EGLN1: variants seen among roughly 807,000 people sequenced by gnomAD.
The protein encoded by EGLN1 is egl nine homolog 1.
A neutral mutation model predicts 38.3 loss-of-function variants in EGLN1; 17 were observed. The ratio of observed to expected loss-of-function variants is 0.44; its 90% confidence interval spans 0.30 to 0.67. The LOEUF (loss-of-function observed/expected upper bound fraction) is 0.67, where lower values mean the gene tolerates loss of function less well. Among genes scored for constraint, EGLN1 ranks in the 30% least tolerant of loss-of-function variants. The pLI is 0.08. For synonymous variants in EGLN1, 283 were observed against 257.5 expected, an observed-to-expected ratio of 1.10 and a Z score of -0.95; for missense variants, 477 against 603.3, an observed-to-expected ratio of 0.79 and a Z score of 2.19.
chr1:231,404,607 G>C (rs1034203518), intron 1 of EGLN1, among the ~76,000 whole-genome samples: 2 of 151,532 alleles, frequency 1.3e-5, no homozygotes, highest in Admixed American at 1.3e-4. Flanking sequence ...GCAAGACCCC[G>C]TCTCTAAAAA....
Position 231,366,086 on chromosome 1 carries a change from C to T in EGLN1, c.*325G>A. ...ATAAAAAAGGGAGAGATGAAATGAA[C>T]TCAGCTAGATAACAGATCTGGCAAA... On this transcript the variant is annotated 3_prime_UTR_variant, in exon 5 of 5. Coordinates refer to ENST00000366641, the MANE Select transcript of EGLN1 (RefSeq NM_022051.3). 1 of 318,046 alleles carries T rather than the reference C, an allele frequency of 3.1e-6. No individual in the cohort carries two copies. 19.7% of individuals were successfully genotyped at this position (318,046 alleles called of 1,614,324 possible). A position where few individuals can be genotyped will look rare whatever the true frequency, so the allele number is the denominator to read the frequency against.
chr1:231,396,537 C>A (rs1317132926), intron 1 of EGLN1, among the ~76,000 whole-genome samples: 5 of 152,148 alleles, frequency 3.3e-5, no homozygotes, highest in African/African-American at 1.2e-4. Flanking sequence ...CAGGTGTGAG[C>A]CACCGAGCCC....
rs539519943 is a variant in EGLN1, at chr1:231,364,306, C to G, written c.*2105G>C. ...GACAATCAAACAAACCTCCCATCAA[C>G]ATAAAACAATTTCTACTAACCCTAA... On this transcript the variant is annotated 3_prime_UTR_variant, in exon 5 of 5. Transcript: ENST00000366641. The G allele has an allele frequency of 1.3e-5, 2 of 152,334 alleles. No homozygotes were observed. The highest frequency in any genetic ancestry group is 3.9e-4 in the East Asian group (2 of 5,172). The allele number at this position is 152,334 out of a possible 1,614,324, so 9.4% of individuals were successfully genotyped here. A position where few individuals can be genotyped will look rare whatever the true frequency, so the allele number is the denominator to read the frequency against.
intron 1 of EGLN1, among the ~76,000 whole-genome samples, chr1:231,375,167 T>G (rs1476308144): frequency 6.6e-6 from 1 of 152,210 alleles, no homozygotes; most frequent in Non-Finnish European, 1.5e-5. Context: ...GCGATTCTCC[T>G]GCCTCGGCCT....
At chr1:231,367,158 C>T (rs1558376356) in intron 4 of EGLN1, among the ~76,000 whole-genome samples, 1 of 152,188 alleles carries the variant, frequency 6.6e-6, no homozygotes, top group Non-Finnish European at 1.5e-5. Flanking sequence ...TAATTTTCTT[C>T]ATGTCTACAT....
At chr1:231,416,789 G>A (rs1160820869) in intron 1 of EGLN1, among the ~76,000 whole-genome samples, 1 of 152,098 alleles carries the variant, frequency 6.6e-6, no homozygotes, top group African/African-American at 2.4e-5. Context: ...AATCTATTAA[G>A]ACTACCCTCT....
intron 3 of EGLN1, among the ~76,000 whole-genome samples, chr1:231,368,442 CTG>C (rs143675448): frequency 2.6e-5 from 4 of 152,248 alleles, no homozygotes; most frequent in East Asian, 1.9e-4. Flanking sequence ...AGCAATTATA[CTG>C]TGTTTTGTGT....
chr1:231,380,738 T>C (rs900211603), intron 1 of EGLN1, among the ~76,000 whole-genome samples: 1 of 152,208 alleles, frequency 6.6e-6, no homozygotes, highest in South Asian at 2.1e-4. Context: ...CAACCCAGCA[T>C]AGTAAGTTTT....
intron 1 of EGLN1, among the ~76,000 whole-genome samples, chr1:231,409,070 T>TA (rs1398066472): frequency 6.6e-6 from 1 of 151,508 alleles, no homozygotes; most frequent in Non-Finnish European, 1.5e-5. Flanking sequence ...ATGAAGAGTG[T>TA]AAATGGGAAT....
chr1:231,408,896 G>A (rs1688858705), intron 1 of EGLN1, among the ~76,000 whole-genome samples: 1 of 152,104 alleles, frequency 6.6e-6, no homozygotes, highest in Non-Finnish European at 1.5e-5. Context: ...ACTAGAAAAT[G>A]AAGGTAGGTT....
chr1:231,421,321 C>T lies in EGLN1; in HGVS notation c.568G>A (p.Ala190Thr). The part of the protein sequence containing the change: ...RPNGQTKPLP[A>T]LKLALEYIVP... ...ATGTACTCGAGCGCCAGCTTCAGCG[C>T]CGGCAGGGGCTTCGTCTGCCCGTTG... The change falls in exon 1 of 5, where the codon GCG becomes ACG. Residue 190 changes from alanine (A) to threonine (T), a missense_variant. Around this residue, in one of 4 missense-constraint regions of EGLN1, gnomAD observed 298 missense variants for 288.9 expected, o/e 1.03. Transcript: ENST00000366641. This position sits in a 1 kb window ranked among gnomAD's most constrained non-coding sequence, Gnocchi z 5.5. 1 of 1,612,448 alleles carries T rather than the reference C, an allele frequency of 6.2e-7. No individual in the cohort carries two copies.
At chr1:231,418,328 T>G (rs952294281) in intron 1 of EGLN1, among the ~76,000 whole-genome samples, 5 of 152,236 alleles carry the variant, frequency 3.3e-5, no homozygotes, top group Non-Finnish European at 7.3e-5. Context: ...GCTAGTGCTA[T>G]TCACCCACTT....
intron 1 of EGLN1, among the ~76,000 whole-genome samples, chr1:231,406,344 T>C (rs537135): frequency 0.15 from 22,792 of 151,938 alleles, 2,105 homozygotes; most frequent in African/African-American, 0.24. Context: ...ACTCTCAGTC[T>C]TTTATGGTAC....
At chr1:231,389,112 T>A (rs929265283) in intron 1 of EGLN1, among the ~76,000 whole-genome samples, 4 of 152,228 alleles carry the variant, frequency 2.6e-5, no homozygotes, top group African/African-American at 4.8e-5. Flanking sequence ...TGATCTCAAT[T>A]GAATCAACAT....
At chr1:231,366,581 T>G in intron 4 of EGLN1, 106 bp from the exon 5 acceptor site, 1 of 1,135,494 alleles carries the variant, frequency 8.8e-7, no homozygotes, top group Non-Finnish European at 1.3e-6. Context: ...TATTTCAACT[T>G]TGCAAACATC....
chr1:231,415,222 A>AT (rs1477829774), intron 1 of EGLN1, among the ~76,000 whole-genome samples: 1 of 151,684 alleles, frequency 6.6e-6, no homozygotes, highest in East Asian at 1.9e-4. Context: ...GCAGTAAGCC[A>AT]TAATTGCACC....
At position 231,412,309 on chromosome 1, in the gene EGLN1, C is replaced by T. The variant is rs886384766; in HGVS notation, c.891+8689G>A. Among the ~76,000 whole-genome samples the T allele has an allele frequency of 5.3e-5, 8 of 152,080 alleles. No individual in the cohort carries two copies. In the South Asian group the frequency reaches 1.5e-3, roughly 28 times the overall value. Reference sequence around the variant, plus strand: ...CAGTGGAACTATTTTTGATATTTTACGGTAATTCCATTCTTCCCAATTTTC... The same window carrying T: ...CAGTGGAACTATTTTTGATATTTTATGGTAATTCCATTCTTCCCAATTTTC... On this transcript the variant is annotated intron_variant, in intron 1 of 4. Coordinates refer to ENST00000366641, the MANE Select transcript of EGLN1 (RefSeq NM_022051.3).
Position 231,391,085 on chromosome 1 carries a change from T to C in EGLN1, c.892-16986A>G, listed in dbSNP as rs535467256. On this transcript the variant is annotated intron_variant, in intron 1 of 4. Transcript: ENST00000366641. Reference sequence around the variant, plus strand: ...GTGTGAGACAGGGAACTCATTCTGTTTTTTTTTTGTGTGTGTGTGTGTGTG... The same window carrying C: ...GTGTGAGACAGGGAACTCATTCTGTCTTTTTTTTGTGTGTGTGTGTGTGTG... Among the ~76,000 whole-genome samples the C allele has an allele frequency of 2.5e-4, 14 of 55,214 alleles. 2 individuals carry two copies. The highest frequency in any genetic ancestry group is 8.1e-4 in the African/African-American group (13 of 16,070). 36.2% of individuals were successfully genotyped at this position (55,214 alleles called of 152,430 possible).
intron 1 of EGLN1, among the ~76,000 whole-genome samples, chr1:231,397,982 G>A (rs1221099381): frequency 1.3e-5 from 2 of 152,266 alleles, no homozygotes; most frequent in South Asian, 2.1e-4. Flanking sequence ...AAGAACCACA[G>A]TATATAGGAC....
Sources: allele counts gnomAD v4.1 joint callset (sites outside exome capture counted in the v4.1 genomes callset), GRCh38; gene constraint gnomAD v4.1.1; regional missense constraint gnomAD v4.1.1; non-coding constraint Gnocchi (gnomAD v3.1); transcripts MANE v1.5; gene names NCBI Gene and HGNC (gene_info 2026-07-23, HGNC 2026-07-21).